MTARC2: variants seen among roughly 807,000 people sequenced by gnomAD.
MTARC2 encodes the protein MOCO sulphurase C-terminal domain containing 2.
Under a neutral mutation model 35.6 loss-of-function variants are expected in MTARC2, and 27 were observed. That is an observed-to-expected ratio of 0.76 (90% CI 0.56 to 1.04). The LOEUF (loss-of-function observed/expected upper bound fraction) is 1.04, where lower values mean the gene tolerates loss of function less well. Ranked by LOEUF, MTARC2 falls within the 50% of genes least tolerant of loss-of-function variation. MTARC2 has a pLI of 0.00. For synonymous variants in MTARC2, 158 were observed against 167.1 expected (o/e 0.95, Z 0.42); for missense variants, 412 against 432.5 (o/e 0.95, Z 0.42).
chr1:220,763,704 G>A (rs981521885), intron 4 of MTARC2, among the ~76,000 whole-genome samples: 6 of 152,144 alleles, frequency 3.9e-5, no homozygotes, highest in Non-Finnish European at 8.8e-5. Flanking sequence ...AAGCCTCAGG[G>A]GTGAGCTAAA....
rs377501311 is a variant in MTARC2 at position 220,751,567 on chromosome 1, C to T, written c.272+2764C>T. Among the ~76,000 whole-genome samples, 284 of 152,334 alleles carry T rather than the reference C, an allele frequency of 1.9e-3. 9 individuals carry two copies. In the South Asian group the frequency reaches 0.057, roughly 30 times the overall value. ...AATTCCTGCTGTTTTTCTCCTCCCACACTCAGTAGTAGAGTTCCTGCTTTC... is the reference window on the plus strand; with the variant it reads ...AATTCCTGCTGTTTTTCTCCTCCCATACTCAGTAGTAGAGTTCCTGCTTTC... On this transcript the variant is annotated intron_variant, in intron 1 of 7. Coordinates refer to ENST00000366913, the MANE Select transcript of MTARC2 (RefSeq NM_017898.5).
intron 1 of MTARC2, 21 bp downstream of exon 1, chr1:220,748,824 G>A (rs1030269251): frequency 5.8e-6 from 9 of 1,556,578 alleles, no homozygotes; most frequent in Non-Finnish European, 7.8e-6. Flanking sequence ...GCGCGGGCGC[G>A]GGGCAGCGCG....
chr1:220,768,279 T>C (rs1467324302), intron 4 of MTARC2, among the ~76,000 whole-genome samples: 1 of 152,192 alleles, frequency 6.6e-6, no homozygotes. Flanking sequence ...GTAAACTATA[T>C]GTAGAAGGGT....
chr1:220,754,416 GA>G (rs1418055668), intron 1 of MTARC2: 1 of 456,172 alleles, frequency 2.2e-6, no homozygotes, highest in Admixed American at 2.3e-5. Context: ...CCTGATGTAG[GA>G]CCCCCGCATG....
intron 2 of MTARC2, among the ~76,000 whole-genome samples, chr1:220,758,515 G>T (rs148235349): frequency 6.6e-6 from 1 of 151,434 alleles, no homozygotes; most frequent in African/African-American, 2.4e-5. Flanking sequence ...CATCTCCCAG[G>T]CTCAAGTGAT....
chr1:220,783,793 T>A, intron 7 of MTARC2, 126 bp from the exon 8 acceptor site: 1 of 652,450 alleles, frequency 1.5e-6, no homozygotes, highest in Non-Finnish European at 2.8e-6. Context: ...CCATGCTTTC[T>A]GCACAGCACT....
intron 4 of MTARC2, among the ~76,000 whole-genome samples, chr1:220,777,796 C>G (rs1398245461): frequency 3.3e-5 from 5 of 152,132 alleles, no homozygotes; most frequent in East Asian, 1.9e-4. Context: ...ACATACATCC[C>G]CTCCCGTGTG....
intron 4 of MTARC2, among the ~76,000 whole-genome samples, chr1:220,777,377 T>C (rs149877755): frequency 1.1e-3 from 170 of 152,272 alleles, no homozygotes; most frequent in African/African-American, 4.0e-3. Context: ...GGCTTGCCAC[T>C]GAAGGAGGAC....
chr1:220,769,755 TTTCTC>T (rs1671684244), intron 4 of MTARC2, among the ~76,000 whole-genome samples: 1 of 151,366 alleles, frequency 6.6e-6, no homozygotes, highest in South Asian at 2.1e-4. Context: ...TCTCTCTCTC[TTTCTC>T]TCTGTGTATG....
chr1:220,770,124 A>C (rs563060930), intron 4 of MTARC2, among the ~76,000 whole-genome samples: 1 of 151,794 alleles, frequency 6.6e-6, no homozygotes, highest in Admixed American at 6.6e-5. Flanking sequence ...CAAAAACAAA[A>C]CCAAAAACAA....
intron 4 of MTARC2, among the ~76,000 whole-genome samples, chr1:220,776,151 A>G (rs1360927608): frequency 1.3e-5 from 2 of 152,254 alleles, no homozygotes; most frequent in East Asian, 3.8e-4. Context: ...CCAACAGTAT[A>G]TAAACATTCC....
chr1:220,755,695 G>T (rs1572293881), intron 2 of MTARC2, among the ~76,000 whole-genome samples: 6 of 152,292 alleles, frequency 3.9e-5, no homozygotes, highest in Admixed American at 3.9e-4. Flanking sequence ...CTCTGGATGG[G>T]TTGGTGTTCC....
chr1:220,761,161 A>AT (rs2102550993), intron 2 of MTARC2, among the ~76,000 whole-genome samples: 1 of 152,348 alleles, frequency 6.6e-6, no homozygotes, highest in African/African-American at 2.4e-5. Context: ...TAGGTACCAT[A>AT]TAATTATTTC....
intron 2 of MTARC2, among the ~76,000 whole-genome samples, chr1:220,759,977 C>T (rs1263941111): frequency 1.3e-5 from 2 of 152,150 alleles, no homozygotes; most frequent in African/African-American, 4.8e-5. Flanking sequence ...AAATCCTTCA[C>T]ATGCATCGCC....
Position 220,781,867 on chromosome 1 carries a change from T to C in MTARC2, c.974T>C (p.Leu325Pro). 1.2e-6 allele frequency: 2 copies of C among 1,614,152 alleles called. No homozygotes were observed. Among genetic ancestry groups the C allele is most frequent in the Non-Finnish European group, 1.7e-6 (2 of 1,179,974 alleles). Reference sequence around the variant, plus strand: ...TATTCAGTGGAAAAAATTGGAAGCCTGAGAGTTGGTGACCCTGTGTATCGG... The same window carrying C: ...TATTCAGTGGAAAAAATTGGAAGCCCGAGAGTTGGTGACCCTGTGTATCGG... ...IYYSVEKIGS[L>P]RVGDPVYRMV The change falls in exon 7 of 8, where the codon CTG (leucine) becomes CCG (proline). Residue 325 changes from leucine to proline, a missense_variant. Physicochemically the swap from Leu to Pro is moderately conservative, Grantham distance 98 (BLOSUM62 -3). Transcript: ENST00000366913.
chr1:220,778,247 CAAAAAAAAAAAA>C (rs60336134), intron 4 of MTARC2, among the ~76,000 whole-genome samples: 2 of 97,358 alleles, frequency 2.1e-5, no homozygotes, highest in African/African-American at 7.8e-5. Context: ...GACTCTGTCT[CAAAAAAAAAAAA>C]AAAAAAAAAG....
intron 4 of MTARC2, among the ~76,000 whole-genome samples, chr1:220,771,997 T>G (rs1671757167): frequency 6.6e-6 from 1 of 152,238 alleles, no homozygotes; most frequent in Non-Finnish European, 1.5e-5. Context: ...GTATGGTTTA[T>G]ACAATATTGT....
rs558469899 is a variant in MTARC2, at chr1:220,781,891, G to A, written c.998G>A (p.Arg333Gln). The change falls in exon 7 of 8, where the codon CGG (arginine) becomes CAG (glutamine). Residue 333 changes from arginine (R) to glutamine (Q), a missense_variant. By Grantham distance (43) the Arg-to-Gln change is conservative (BLOSUM62 1). Coordinates refer to ENST00000366913, the MANE Select transcript of MTARC2 (RefSeq NM_017898.5). ...GSLRVGDPVYRMV is the reference protein window; with the variant it reads ...GSLRVGDPVYQMV ...CTGAGAGTTGGTGACCCTGTGTATCGGATGGTGTAGTGATGAGTGATGGAT... is the reference window on the plus strand; with the variant it reads ...CTGAGAGTTGGTGACCCTGTGTATCAGATGGTGTAGTGATGAGTGATGGAT... 1.5e-4 allele frequency: 239 copies of A among 1,614,170 alleles called. 3 individuals are homozygous for A. The South Asian group carries it at 2.2e-3, about 15-fold the overall frequency.
At chr1:220,757,572 G>T (rs909832822) in intron 2 of MTARC2, among the ~76,000 whole-genome samples, 1 of 152,204 alleles carries the variant, frequency 6.6e-6, no homozygotes, top group African/African-American at 2.4e-5. Context: ...AGATCGAGGT[G>T]CTGGTAGATT....
Sources: allele counts gnomAD v4.1 joint callset (sites outside exome capture counted in the v4.1 genomes callset), GRCh38; gene constraint gnomAD v4.1.1; transcripts MANE v1.5; gene names NCBI Gene and HGNC (gene_info 2026-07-23, HGNC 2026-07-21).